The following ANKRD18B variants were observed in gnomAD, a reference collection of about 807,000 sequenced individuals.
ANKRD18B encodes ankyrin repeat domain 18B.
In ANKRD18B, 75 loss-of-function variants were observed where a neutral mutation model predicts 111.8. The observed-to-expected ratio is 0.67, with a 90% CI of 0.56 to 0.81. The LOEUF is 0.81. Ranked by LOEUF, ANKRD18B falls within the 40% of genes least tolerant of loss-of-function variation. The probability of loss-of-function intolerance (pLI) is 0.00; values close to 1 mark genes in which losing one functional copy is unlikely to be tolerated. For synonymous variants in ANKRD18B, 356 were observed against 417.3 expected (o/e 0.85, Z 1.79); for missense variants, 1,038 against 1,225.5 (o/e 0.85, Z 2.28).
At chr9:33,530,527 CAAAAAAAAAAA>C (rs34371607) in intron 3 of ANKRD18B, among the ~76,000 whole-genome samples, 4 of 82,990 alleles carry the variant, frequency 4.8e-5, no homozygotes, top group Non-Finnish European at 9.1e-5. Flanking sequence ...ACAACAAGAG[CAAAAAAAAAAA>C]AAAAAAAAAA....
At position 33,548,673 on chromosome 9, in the gene ANKRD18B, C is replaced by T. The variant is rs1157623873; in HGVS notation, c.1885C>T (p.Arg629Ter). 7.1e-6 allele frequency: 11 copies of T among 1,551,030 alleles called. No individual in the cohort carries two copies. Among genetic ancestry groups the T allele is most frequent in the Admixed American group, 5.9e-5 (3 of 50,922 alleles). The change falls in exon 11 of 19, where the codon CGA becomes TGA. Residue 629 changes from arginine (R) to a stop codon, truncating the protein, a stop_gained. Coordinates refer to ENST00000684830, the MANE Select transcript of ANKRD18B (RefSeq NM_001393611.1). LOFTEE classifies it high-confidence loss of function. ...QRELENLLLE[R>*]QLEDARKEGD... ...AGAACTTGAAAATCTCTTGCTTGAA[C>T]GACAACTAGAGGATGCTCGTAAGGA...
At chr9:33,546,282 T>C (rs1412364878) in intron 10 of ANKRD18B, among the ~76,000 whole-genome samples, 2 of 152,218 alleles carry the variant, frequency 1.3e-5, no homozygotes, top group Non-Finnish European at 2.9e-5. Context: ...CAAGTTTATC[T>C]GTTTGACTCA....
intron 14 of ANKRD18B, among the ~76,000 whole-genome samples, chr9:33,564,238 A>G (rs957533360): frequency 1.3e-5 from 2 of 152,224 alleles, no homozygotes; most frequent in African/African-American, 4.8e-5. Flanking sequence ...AGGAAATTAC[A>G]GGCATCAGCC....
intron 14 of ANKRD18B, among the ~76,000 whole-genome samples, chr9:33,565,665 G>T (rs546471509): frequency 3.9e-5 from 6 of 152,148 alleles, no homozygotes; most frequent in African/African-American, 1.2e-4. Context: ...AGAGATGGGG[G>T]TCTCACTATG....
downstream of ANKRD18B, chr9:33,573,211 C>T (rs781294169): frequency 2.4e-4 from 235 of 985,240 alleles, no homozygotes; most frequent in Middle Eastern, 5.2e-4. Context: ...TTGGAGCCAC[C>T]GAGGAAGCAC....
At chr9:33,550,069 A>G (rs773893511) in intron 11 of ANKRD18B, among the ~76,000 whole-genome samples, 3 of 152,152 alleles carry the variant, frequency 2.0e-5, no homozygotes, top group Non-Finnish European at 2.9e-5. Flanking sequence ...GGTAGAGGCC[A>G]TGTTACCTAG....
At chr9:33,555,077 G>A (rs543388707) in intron 12 of ANKRD18B, among the ~76,000 whole-genome samples, 296 of 146,780 alleles carry the variant, frequency 2.0e-3, no homozygotes, top group African/African-American at 6.9e-3. Flanking sequence ...ATGAGACCCT[G>A]TGTCATAGAG....
At chr9:33,556,021 T>C (rs563304066) in intron 13 of ANKRD18B, among the ~76,000 whole-genome samples, 1 of 152,200 alleles carries the variant, frequency 6.6e-6, no homozygotes, top group East Asian at 1.9e-4. Context: ...TTGGACTTTT[T>C]TGTTGGAATT....
chr9:33,526,385 A>G (rs1052656892), intron 1 of ANKRD18B, among the ~76,000 whole-genome samples: 79 of 152,224 alleles, frequency 5.2e-4, no homozygotes, highest in Non-Finnish European at 4.0e-4. Flanking sequence ...TGTTACAGCC[A>G]GTGAGGAAAA....
At chr9:33,573,676 C>T (rs994327218), downstream of ANKRD18B, among the ~76,000 whole-genome samples, 2 of 141,828 alleles carry the variant, frequency 1.4e-5, no homozygotes, top group African/African-American at 5.1e-5. Flanking sequence ...CCGGGCCTGA[C>T]CCCTGGGCAC....
intron 3 of ANKRD18B, among the ~76,000 whole-genome samples, chr9:33,529,428 C>T (rs1828079167): frequency 6.6e-6 from 1 of 151,896 alleles, no homozygotes; most frequent in South Asian, 2.1e-4. Flanking sequence ...TGTTTCCTAC[C>T]CCAGGTGTAT....
chr9:33,535,799 A>G (rs1213851813), intron 5 of ANKRD18B, among the ~76,000 whole-genome samples: 1 of 145,722 alleles, frequency 6.9e-6, no homozygotes, highest in Non-Finnish European at 1.5e-5. Flanking sequence ...TATAATTATT[A>G]TAGATTATAT....
rs1259477383 is a variant in ANKRD18B, at chr9:33,525,596, G to A, written c.206+901G>A. On this transcript the variant is annotated intron_variant, in intron 1 of 18. Transcript: ENST00000684830. ...GAAAACACAAAGACTTATTTATACAGGTACATTTTACGTTAACAGTGGCCT... is the reference window on the plus strand; with the variant it reads ...GAAAACACAAAGACTTATTTATACAAGTACATTTTACGTTAACAGTGGCCT... 1.3e-5 allele frequency among the ~76,000 whole-genome samples: 2 copies of A among 151,850 alleles called. 1 individual carries two copies. Among genetic ancestry groups the A allele is most frequent in the South Asian group, 4.1e-4 (2 of 4,824 alleles).
intron 18 of ANKRD18B, 59 bp from the exon 19 acceptor site, chr9:33,572,257 A>G (rs1411804812): frequency 8.9e-6 from 12 of 1,348,802 alleles, no homozygotes; most frequent in Non-Finnish European, 1.3e-5. Context: ...TTTTAAACTT[A>G]CACTTCGTTA....
At chr9:33,553,849 G>T (rs1410745669) in intron 12 of ANKRD18B, among the ~76,000 whole-genome samples, 3 of 152,068 alleles carry the variant, frequency 2.0e-5, no homozygotes, top group Admixed American at 1.3e-4. Flanking sequence ...AGGCTGAGGT[G>T]GGTGGATTAC....
rs537865672 is a variant in ANKRD18B at position 33,566,288 on chromosome 9, G to T, written c.2530G>T (p.Val844Phe). 14 of 1,561,164 alleles carry T rather than the reference G, an allele frequency of 9.0e-6. No individual in the cohort carries two copies. In the South Asian group the frequency reaches 1.5e-4, roughly 17 times the overall value. Residue 844 changes from valine to phenylalanine, a missense_variant, in exon 15 of 19, where the codon GTT (valine) becomes TTT (phenylalanine). Physicochemically the swap from Val to Phe is conservative, Grantham distance 50. Around this residue, in one of 4 missense-constraint regions of ANKRD18B, gnomAD observed 524 missense variants for 677.9 expected, o/e 0.77. Transcript: ENST00000684830. ...TGTCAATTTGGCCAAAGACAATGAA[G>T]TTCTTCATCAGGAGTTATTATCTAT... is the stretch of plus-strand genomic sequence containing the variant. Reference protein sequence around the residue: ...KCVNLAKDNEVLHQELLSMGK... With the variant: ...KCVNLAKDNEFLHQELLSMGK...
chr9:33,573,448 AG>A (rs1251099794), downstream of ANKRD18B, among the ~76,000 whole-genome samples: 1 of 140,892 alleles, frequency 7.1e-6, no homozygotes, highest in Non-Finnish European at 1.6e-5. Flanking sequence ...CCAGCAGCAC[AG>A]GGTGTCTTGT....
At chr9:33,564,143 T>C (rs1331293830) in intron 14 of ANKRD18B, among the ~76,000 whole-genome samples, 1 of 152,206 alleles carries the variant, frequency 6.6e-6, no homozygotes, top group African/African-American at 2.4e-5. Flanking sequence ...TTTTTTACTT[T>C]GTAGAGATGT....
chr9:33,569,336 C>T (rs1422304033), intron 17 of ANKRD18B, among the ~76,000 whole-genome samples: 1 of 144,606 alleles, frequency 6.9e-6, no homozygotes, highest in East Asian at 2.0e-4. Context: ...ATGATCTCAG[C>T]TAATTGCAAC....
Sources: allele counts gnomAD v4.1 joint callset (sites outside exome capture counted in the v4.1 genomes callset), GRCh38; gene constraint gnomAD v4.1.1; regional missense constraint gnomAD v4.1.1; transcripts MANE v1.5; gene names NCBI Gene and HGNC (gene_info 2026-07-23, HGNC 2026-07-21).